ACAD10: variants seen among roughly 807,000 people sequenced by gnomAD.
ACAD10 encodes the protein acyl-CoA dehydrogenase family member 10, also known as ACAD-10.
In ACAD10, 112 loss-of-function variants were observed where a neutral mutation model predicts 116.8. That is an observed-to-expected ratio of 0.96 (90% CI 0.82 to 1.12). The LOEUF is 1.12. Among genes scored for constraint, ACAD10 ranks in the 50% most tolerant of loss-of-function variants. ACAD10 has a pLI of 0.00. For synonymous variants in ACAD10, 486 were observed against 510.6 expected (o/e 0.95, Z 0.65); for missense variants, 1,259 against 1,350.2 (o/e 0.93, Z 1.06).
rs772220300 is a variant in ACAD10 at position 111,756,453 on chromosome 12, G to C, written c.3160G>C (p.Glu1054Gln). 1.2e-6 allele frequency: 2 copies of C among 1,612,740 alleles called. No individual in the cohort carries two copies. Among genetic ancestry groups the C allele is most frequent in the Non-Finnish European group, 1.7e-6 (2 of 1,179,856 alleles). Reference sequence around the variant, plus strand: ...GCACCGGGCCACGGTGGCCAAGCTAGAGCTGAAGCACCGCATTTAGAGCCT... The same window carrying C: ...GCACCGGGCCACGGTGGCCAAGCTACAGCTGAAGCACCGCATTTAGAGCCT... ...EVHRATVAKL[E>Q]LKHRI Residue 1054 changes from glutamate (E) to glutamine (Q), a missense_variant, in exon 21 of 21, where the codon GAG becomes CAG. By Grantham distance (29) the Glu-to-Gln change is conservative (BLOSUM62 2). Transcript: ENST00000313698.
At chr12:111,688,591 C>G (rs1315420240) in intron 1 of ACAD10, among the ~76,000 whole-genome samples, 1 of 150,870 alleles carries the variant, frequency 6.6e-6, no homozygotes, top group African/African-American at 2.4e-5. Context: ...CACTTGAGGT[C>G]AGGAGTTCGA....
At position 111,729,298 on chromosome 12, in the gene ACAD10, C is replaced by T. The variant is rs144013037; in HGVS notation, c.1244-508C>T. On this transcript the variant is annotated intron_variant, in intron 9 of 20. Transcript: ENST00000313698. ...TGTCACCCAGGCTGGAGTGCAATGG[C>T]GCAATCTCGGCTCACTTCAACCTCC... 6.6e-5 allele frequency among the ~76,000 whole-genome samples: 10 copies of T among 152,154 alleles called. No homozygotes were observed. In the South Asian group the frequency reaches 1.0e-3, roughly 16 times the overall value.
intron 1 of ACAD10, among the ~76,000 whole-genome samples, chr12:111,691,966 GTGT>G (rs1185250654): frequency 6.6e-6 from 1 of 151,618 alleles, no homozygotes; most frequent in Non-Finnish European, 1.5e-5. Context: ...GCCATTGAAG[GTGT>G]TGTTTGTTTG....
rs1355879941 is a variant in ACAD10 at position 111,756,767 on chromosome 12, G to A, written c.*294G>A. On this transcript the variant is annotated 3_prime_UTR_variant, in exon 21 of 21. Transcript: ENST00000313698. ...TCTCAGTCCCAGGCTGGGCAGGCAC[G>A]GTCACTTCACTTCAGCCTTTCAGTC... The A allele has an allele frequency of 5.1e-5, 29 of 564,206 alleles. No individual in the cohort carries two copies. In the East Asian group the frequency reaches 8.5e-4, roughly 17 times the overall value. 34.9% of individuals were successfully genotyped at this position (564,206 alleles called of 1,614,324 possible). A position where few individuals can be genotyped will look rare whatever the true frequency, so the allele number is the denominator to read the frequency against.
In ACAD10 at chr12:111,756,853, C is replaced by T. The variant is rs1353760298; in HGVS notation, c.*380C>T. ...TGGGAGGCCTCCCAAGGCTGTGGGA[C>T]GTGCTTGCTCTGGCAGCTGCAGGGT... On this transcript the variant is annotated 3_prime_UTR_variant, in exon 21 of 21. Coordinates refer to ENST00000313698, the MANE Select transcript of ACAD10 (RefSeq NM_025247.6). The T allele has an allele frequency of 6.5e-6, 3 of 463,420 alleles. No homozygotes were observed. The highest frequency in any genetic ancestry group is 1.5e-5 in the South Asian group (1 of 64,628). 28.7% of individuals were successfully genotyped at this position (463,420 alleles called of 1,614,324 possible).
At chr12:111,723,396 G>A (rs868565106) in intron 8 of ACAD10, among the ~76,000 whole-genome samples, 105 of 137,784 alleles carry the variant, frequency 7.6e-4, no homozygotes, top group African/African-American at 2.5e-3. Flanking sequence ...CCTCCCGGAC[G>A]GGGCGGCTGG....
At chr12:111,711,289 C>T (rs1399373607) in intron 5 of ACAD10, among the ~76,000 whole-genome samples, 1 of 152,224 alleles carries the variant, frequency 6.6e-6, no homozygotes, top group Non-Finnish European at 1.5e-5. Context: ...CAAGCTCCAC[C>T]TCCTGGGTTC....
chr12:111,733,347 G>A (rs750005099), intron 10 of ACAD10, among the ~76,000 whole-genome samples: 2 of 151,914 alleles, frequency 1.3e-5, no homozygotes, highest in Admixed American at 6.6e-5. Context: ...GCAGTCCTCC[G>A]AAAATGTGGG....
chr12:111,744,537 G>T, intron 12 of ACAD10, 106 bp from the exon 13 acceptor site: 1 of 1,378,462 alleles, frequency 7.3e-7, no homozygotes. Flanking sequence ...CTTAGCAAGT[G>T]CTCAGCAAAT....
chr12:111,720,646 T>G (rs2135964985), intron 7 of ACAD10, among the ~76,000 whole-genome samples: 1 of 152,338 alleles, frequency 6.6e-6, no homozygotes, highest in Non-Finnish European at 1.5e-5. Context: ...TGCTTCCATT[T>G]CCATCCTTGT....
At chr12:111,756,139 A>G in intron 20 of ACAD10, 194 bp from the exon 21 acceptor site, 3 of 1,421,770 alleles carry the variant, frequency 2.1e-6, no homozygotes, top group Non-Finnish European at 2.7e-6. Context: ...GGGCCTGGGG[A>G]GTCTGGAGGC....
At chr12:111,722,658 CCT>C (rs1489340598) in intron 8 of ACAD10, among the ~76,000 whole-genome samples, 1 of 151,994 alleles carries the variant, frequency 6.6e-6, no homozygotes, top group African/African-American at 2.4e-5. Context: ...TCCATTTAAC[CCT>C]GAGTGGACAC....
At position 111,747,386 on chromosome 12, in the gene ACAD10, G is replaced by A; in HGVS notation, c.2485+1G>A. On this transcript the variant is annotated splice_donor_variant, in intron 16 of 20. Transcript: ENST00000313698. LOFTEE classifies it high-confidence loss of function. ...AACGGTCACAAATGGTGGATCACAG[G>A]TATTTGGCCTAAAATGCACTTTCCA... is the stretch of plus-strand genomic sequence containing the variant. 1 of 1,614,128 alleles carries A rather than the reference G, an allele frequency of 6.2e-7. No homozygotes were observed. The highest frequency in any genetic ancestry group is 8.5e-7 in the Non-Finnish European group (1 of 1,179,976).
At position 111,710,391 on chromosome 12, in the gene ACAD10, A is replaced by G. The variant is rs543591426; in HGVS notation, c.690+707A>G. The stretch of plus-strand genomic sequence containing the variant: ...GTGTGAGCCACCATGCCTGGCTTCT[A>G]TTCTTCTATGTTTGGGTTTTCATCG... On this transcript the variant is annotated intron_variant, in intron 5 of 20. Coordinates refer to ENST00000313698, the MANE Select transcript of ACAD10 (RefSeq NM_025247.6). 3.5e-4 allele frequency: 132 copies of G among 382,468 alleles called. 2 individuals carry two copies. Among genetic ancestry groups the G allele is most frequent in the South Asian group, 2.2e-3 (120 of 53,416 alleles). 23.7% of individuals were successfully genotyped at this position (382,468 alleles called of 1,614,324 possible). A position where few individuals can be genotyped will look rare whatever the true frequency, so the allele number is the denominator to read the frequency against.
In ACAD10 at chr12:111,756,392, C is replaced by T; in HGVS notation, c.3099C>T (p.Ala1033=). The change falls in exon 21 of 21, where the codon GCC becomes GCT. Residue 1033 remains alanine (A), a synonymous_variant. Transcript: ENST00000313698. ...CACTGGCTCAGTTCTTCACCTGGGC[C>T]CGAGCCCTGCGCTTTGCCGACGGCC... The part of the protein sequence containing the change: ...DYPLAQFFTW[A]RALRFADGPD... 20 of 1,612,120 alleles carry T rather than the reference C, an allele frequency of 1.2e-5. No individual in the cohort carries two copies. Among genetic ancestry groups the T allele is most frequent in the Non-Finnish European group, 1.7e-5 (20 of 1,179,690 alleles).
At chr12:111,731,677 T>A (rs1263936526) in intron 10 of ACAD10, among the ~76,000 whole-genome samples, 5 of 152,242 alleles carry the variant, frequency 3.3e-5, no homozygotes, top group Non-Finnish European at 1.5e-5. Flanking sequence ...TGCTGCTTAT[T>A]GATCAACACA....
Position 111,753,892 on chromosome 12 carries a change from C to T in ACAD10, c.2938C>T (p.Leu980Phe), listed in dbSNP as rs746635659. Residue 980 changes from leucine to phenylalanine, a missense_variant, in exon 19 of 21, where the codon CTC becomes TTC. Leu to Phe is a conservative substitution (Grantham distance 22). Coordinates refer to ENST00000313698, the MANE Select transcript of ACAD10 (RefSeq NM_025247.6). Reference protein sequence around the residue: ...ARLLVLRAAHLMDLAGNKAAA... With the variant: ...ARLLVLRAAHFMDLAGNKAAA... ...GCTGCTGGTGCTGAGAGCTGCCCAC[C>T]TCATGGACCTGGCAGGAAACAAGGT... is the stretch of plus-strand genomic sequence containing the variant. 18 of 1,608,266 alleles carry T rather than the reference C, an allele frequency of 1.1e-5. No homozygotes were observed. Among genetic ancestry groups the T allele is most frequent in the South Asian group, 2.2e-5 (2 of 90,928 alleles).
At chr12:111,740,502 G>A (rs907775704) in intron 12 of ACAD10, among the ~76,000 whole-genome samples, 19 of 147,590 alleles carry the variant, frequency 1.3e-4, no homozygotes, top group African/African-American at 4.8e-4. Context: ...GCTCATGCCT[G>A]TAATCCCAGC....
rs775440015 is a variant in ACAD10 at position 111,692,890 on chromosome 12, G to A, written c.181G>A (p.Ala61Thr). The change falls in exon 2 of 21, where the codon GCT becomes ACT. Residue 61 changes from alanine to threonine, a missense_variant. Coordinates refer to ENST00000313698, the MANE Select transcript of ACAD10 (RefSeq NM_025247.6). ...GVLIPSPGRVAAEWEVQNRIP... is the reference protein window; with the variant it reads ...GVLIPSPGRVTAEWEVQNRIP... ...TCTCATTCCTTCTCCAGGGAGAGTC[G>A]CTGCAGGTGAGCTATTGATTCTGTT... The A allele has an allele frequency of 1.5e-5, 24 of 1,613,676 alleles. No homozygotes were observed. The highest frequency in any genetic ancestry group is 1.3e-4 in the African/African-American group (10 of 74,904).
Sources: gnomAD v4.1 joint callset for allele counts (sites outside exome capture counted in the v4.1 genomes callset) on GRCh38, gnomAD v4.1.1 for gene constraint, MANE v1.5 for transcripts, NCBI Gene and HGNC (gene_info 2026-07-23, HGNC 2026-07-21) for gene names.